The following CTNNA2 variants were observed in gnomAD, a reference collection of about 807,000 sequenced individuals.
CTNNA2 encodes catenin alpha 2.
In CTNNA2, 42 loss-of-function variants were observed where a neutral mutation model predicts 101.0. The observed-to-expected ratio is 0.42, with a 90% CI of 0.32 to 0.54. The LOEUF (loss-of-function observed/expected upper bound fraction) is 0.54. Ranked by LOEUF, CTNNA2 falls within the 20% of genes least tolerant of loss-of-function variation. The pLI, the probability that CTNNA2 is intolerant of heterozygous loss-of-function variation, is 0.14. For missense variants in CTNNA2, 871 were observed against 1,223.1 expected (o/e 0.71, Z 4.29); for synonymous variants, 450 against 456.4 (o/e 0.99, Z 0.18).
chr2:79,383,923 T>A (rs1678068849), intron 4 of CTNNA2, among the ~76,000 whole-genome samples: 1 of 152,144 alleles, frequency 6.6e-6, no homozygotes, highest in East Asian at 1.9e-4. Flanking sequence ...GGAACAACTG[T>A]TATCTTTGAA....
intron 3 of CTNNA2, among the ~76,000 whole-genome samples, chr2:79,323,968 G>T (rs1210679124): frequency 6.6e-6 from 1 of 152,158 alleles, no homozygotes; most frequent in African/African-American, 2.4e-5. Context: ...ACAGAGAAGA[G>T]GAAAGTAAGC....
intron 9 of CTNNA2, among the ~76,000 whole-genome samples, chr2:80,459,777 C>T (rs994293281): frequency 2.0e-5 from 3 of 152,186 alleles, no homozygotes; most frequent in South Asian, 4.1e-4. Flanking sequence ...GATGATGTGC[C>T]GACATCCCTC....
chr2:79,609,767 A>G (rs965616102), intron 1 of CTNNA2, among the ~76,000 whole-genome samples: 4 of 152,120 alleles, frequency 2.6e-5, no homozygotes, highest in African/African-American at 2.4e-5. Flanking sequence ...ATGATCTTCA[A>G]TCCATAACTT....
At chr2:79,579,246 C>T (rs1675996887) in intron 1 of CTNNA2, among the ~76,000 whole-genome samples, 1 of 147,682 alleles carries the variant, frequency 6.8e-6, no homozygotes, top group African/African-American at 2.5e-5. Flanking sequence ...CCCTTCCTTC[C>T]CTCCCTCCCT....
At chr2:79,233,365 G>A (rs964481097) in intron 2 of CTNNA2, among the ~76,000 whole-genome samples, 14 of 152,128 alleles carry the variant, frequency 9.2e-5, no homozygotes, top group African/African-American at 3.4e-4. Context: ...GTAGTTTTGA[G>A]AGATTTTCTT....
intron 1 of CTNNA2, among the ~76,000 whole-genome samples, chr2:79,631,017 C>G (rs1386240305): frequency 6.6e-6 from 1 of 151,852 alleles, no homozygotes; most frequent in Non-Finnish European, 1.5e-5. Flanking sequence ...TTCCTGAGTT[C>G]TTTTCTCATT....
chr2:80,299,494 A>G (rs2149199303), intron 7 of CTNNA2: 1 of 152,292 alleles, frequency 6.6e-6, no homozygotes, highest in Admixed American at 6.5e-5. Context: ...ACAGACACAC[A>G]CACAAAGTAA....
chr2:79,417,783 A>ATGTG (rs57043151), intron 4 of CTNNA2, among the ~76,000 whole-genome samples: 15 of 151,934 alleles, frequency 9.9e-5, no homozygotes, highest in African/African-American at 3.6e-4. Flanking sequence ...TGGATGTTGT[A>ATGTG]TGTGTGTGTG....
intron 4 of CTNNA2, among the ~76,000 whole-genome samples, chr2:79,386,173 C>T (rs556480044): frequency 2.6e-5 from 4 of 152,278 alleles, no homozygotes; most frequent in Non-Finnish European, 4.4e-5. Flanking sequence ...TCAATAGGGT[C>T]TTTTTAACAC....
intron 4 of CTNNA2, among the ~76,000 whole-genome samples, chr2:79,411,788 A>G (rs1573153625): frequency 6.6e-6 from 1 of 152,274 alleles, no homozygotes. Context: ...CTGCTGCAAA[A>G]TCATGCCAAA....
At chr2:79,877,544 A>T (rs1000063025) in intron 6 of CTNNA2, among the ~76,000 whole-genome samples, 27 of 151,960 alleles carry the variant, frequency 1.8e-4, no homozygotes, top group South Asian at 4.2e-4. Context: ...TGTTTTTTTA[A>T]AAATTTCTTA....
intron 8 of CTNNA2, among the ~76,000 whole-genome samples, chr2:80,403,660 T>G (rs1170241009): frequency 1.3e-5 from 2 of 152,184 alleles, no homozygotes; most frequent in East Asian, 3.9e-4. Flanking sequence ...GTGCCACTTT[T>G]CAAGAAACTG....
chr2:79,518,796 G>C (rs1399573001), intron 1 of CTNNA2, among the ~76,000 whole-genome samples: 1 of 152,156 alleles, frequency 6.6e-6, no homozygotes, highest in Non-Finnish European at 1.5e-5. Context: ...TTCCGGGAAA[G>C]GGTATCCTAC....
chr2:80,509,567 T>C (rs1391353044), intron 9 of CTNNA2, among the ~76,000 whole-genome samples: 1 of 152,134 alleles, frequency 6.6e-6, no homozygotes, highest in Non-Finnish European at 1.5e-5. Context: ...TGCTAGGAAA[T>C]GCCAGCTGTT....
At chr2:79,383,811 G>A (rs1362371392) in intron 4 of CTNNA2, among the ~76,000 whole-genome samples, 1 of 152,186 alleles carries the variant, frequency 6.6e-6, no homozygotes, top group African/African-American at 2.4e-5. Flanking sequence ...GTCCTTTGCT[G>A]AAATTGGGGG....
Position 79,347,788 on chromosome 2 carries a change from C to CTT in CTNNA2, c.-317-26025_-317-26024dup, listed in dbSNP as rs35044310. The stretch of plus-strand genomic sequence containing the variant: ...CTTTTTCCTACGTCTCCTAGCCTTC[C>CTT]TTTTTTTTTTTTTTTTTTTGGTAGT... On this transcript the variant is annotated intron_variant, in intron 3 of 21. Transcript: ENST00000466387. 2.6e-4 allele frequency among the ~76,000 whole-genome samples: 34 copies of CTT among 132,680 alleles called. 1 individual carries two copies. Among genetic ancestry groups the CTT allele is most frequent in the Non-Finnish European group, 3.2e-4 (20 of 62,408 alleles). 87.0% of individuals were successfully genotyped at this position (132,680 alleles called of 152,430 possible).
chr2:79,267,362 TAGATG>T (rs201956938), intron 2 of CTNNA2, among the ~76,000 whole-genome samples: 4,038 of 152,202 alleles, frequency 0.027, 184 homozygotes, highest in African/African-American at 0.093. Context: ...ATCTGGTTCA[TAGATG>T]GTACCTTTGC....
At chr2:80,207,276 A>G (rs1446107) in intron 7 of CTNNA2, among the ~76,000 whole-genome samples, 36,912 of 152,180 alleles carry the variant, frequency 0.24, 7,312 homozygotes, top group African/African-American at 0.54. Context: ...GTGTGGTACA[A>G]TAGAAATTCC....
intron 15 of CTNNA2, among the ~76,000 whole-genome samples, chr2:80,600,081 G>A (rs1218849286): frequency 1.3e-5 from 2 of 151,506 alleles, no homozygotes; most frequent in African/African-American, 4.9e-5. Flanking sequence ...AAGATAAAAG[G>A]GAATAAAATT....
Sources: gnomAD v4.1 joint callset for allele counts (sites outside exome capture counted in the v4.1 genomes callset) on GRCh38, gnomAD v4.1.1 for gene constraint, MANE v1.5 for transcripts, NCBI Gene and HGNC (gene_info 2026-07-23, HGNC 2026-07-21) for gene names.